Variants in DEAF1 observed in about 807,000 individuals in gnomAD.
DEAF1 encodes DEAF1 transcription factor.
Under a neutral mutation model 58.9 loss-of-function variants are expected in DEAF1, and 53 were observed. The observed-to-expected ratio is 0.90, with a 90% CI of 0.72 to 1.13. The LOEUF (loss-of-function observed/expected upper bound fraction) is 1.13. DEAF1 is among the 50% of genes most tolerant of loss of function. The pLI is 0.00. For synonymous variants in DEAF1, 385 were observed against 340.4 expected, an observed-to-expected ratio of 1.13 and a Z score of -1.44; for missense variants, 685 against 791.4, an observed-to-expected ratio of 0.87 and a Z score of 1.61.
At chr11:687,886 TG>T in intron 4 of DEAF1, 24 bp downstream of exon 4, 1 of 1,613,968 alleles carries the variant, frequency 6.2e-7, no homozygotes, top group Non-Finnish European at 8.5e-7. Context: ...AATACAACTT[TG>T]GAGTCTGAAG....
In DEAF1 at chr11:671,413, G is replaced by C. The variant is rs1589994585; in HGVS notation, c.1503+3123C>G. Among the ~76,000 whole-genome samples, 4 of 151,818 alleles carry C rather than the reference G, an allele frequency of 2.6e-5. No individual in the cohort carries two copies. The East Asian group carries it at 7.8e-4, about 30-fold the overall frequency. ...TTTTTATATTTTTTTGTAGAGACGG[G>C]GTTTCACCATGTTGTCCAAGCTGGT... is the stretch of plus-strand genomic sequence containing the variant. On this transcript the variant is annotated intron_variant, in intron 10 of 11. Transcript: ENST00000382409.
At chr11:648,386 G>A (rs867324867) in intron 11 of DEAF1, among the ~76,000 whole-genome samples, 3 of 151,962 alleles carry the variant, frequency 2.0e-5, no homozygotes, top group African/African-American at 4.8e-5. Flanking sequence ...TAGTAGAGAC[G>A]GGGTTTCACC....
intron 10 of DEAF1, among the ~76,000 whole-genome samples, chr11:671,776 G>C (rs1259092951): frequency 7.6e-6 from 1 of 131,900 alleles, no homozygotes; most frequent in African/African-American, 2.8e-5. Flanking sequence ...CCAGGAGTTT[G>C]AGCCTACAAT....
chr11:650,372 T>TAAAAA (rs1347231967), intron 11 of DEAF1, among the ~76,000 whole-genome samples: 1 of 21,364 alleles, frequency 4.7e-5, no homozygotes, highest in Non-Finnish European at 6.7e-5. Flanking sequence ...ACAGTCCGTC[T>TAAAAA]CAAAAAAAAA....
intron 10 of DEAF1, among the ~76,000 whole-genome samples, chr11:665,548 T>C (rs1859488324): frequency 1.3e-5 from 2 of 152,252 alleles, no homozygotes; most frequent in African/African-American, 2.4e-5. Context: ...GGCTTGGCTG[T>C]CTACCAAACG....
chr11:645,396 G>C (rs1402891372), intron 11 of DEAF1, among the ~76,000 whole-genome samples: 3 of 58,412 alleles, frequency 5.1e-5, no homozygotes, highest in East Asian at 1.9e-3. Flanking sequence ...GGCTCACCAC[G>C]ACCTCTGCCT....
chr11:690,449 T>C (rs1275864375), intron 2 of DEAF1, among the ~76,000 whole-genome samples: 1 of 150,448 alleles, frequency 6.6e-6, no homozygotes, highest in African/African-American at 2.4e-5. Context: ...ATTCTAACAA[T>C]AACTGTGCTT....
intron 10 of DEAF1, among the ~76,000 whole-genome samples, chr11:657,880 G>A (rs142253457): frequency 3.1e-4 from 47 of 152,268 alleles, no homozygotes; most frequent in Non-Finnish European, 5.4e-4. Context: ...TGGGCAAATG[G>A]TGCACGGGAG....
intron 1 of DEAF1, among the ~76,000 whole-genome samples, chr11:693,330 C>T (rs1011878521): frequency 1.3e-5 from 2 of 152,084 alleles, no homozygotes; most frequent in Non-Finnish European, 1.5e-5. Flanking sequence ...GTCACAAAGC[C>T]TTCCCTCACT....
intron 10 of DEAF1, among the ~76,000 whole-genome samples, chr11:655,217 C>T (rs1419417193): frequency 2.0e-5 from 3 of 152,228 alleles, no homozygotes; most frequent in African/African-American, 7.2e-5. Flanking sequence ...CTGGGCGCAC[C>T]GTGGCAGGCA....
chr11:656,842 T>C (rs1449211190), intron 10 of DEAF1, among the ~76,000 whole-genome samples: 3 of 152,162 alleles, frequency 2.0e-5, no homozygotes, highest in African/African-American at 7.2e-5. Flanking sequence ...ACTTGGGCCT[T>C]TCGCGGTATG....
At chr11:685,588 G>A (rs1860559696) in intron 5 of DEAF1, among the ~76,000 whole-genome samples, 1 of 152,132 alleles carries the variant, frequency 6.6e-6, no homozygotes, top group Non-Finnish European at 1.5e-5. Flanking sequence ...CCAGCTACCT[G>A]GGAGGCTCAG....
intron 10 of DEAF1, chr11:654,494 CCA>C (rs1354658637): frequency 2.2e-6 from 1 of 455,086 alleles, no homozygotes; most frequent in African/African-American, 2.0e-5. Context: ...CGCCTCTGCC[CCA>C]GTGCTGCTCA....
At chr11:684,521 A>G (rs962086515) in intron 6 of DEAF1, among the ~76,000 whole-genome samples, 2 of 152,258 alleles carry the variant, frequency 1.3e-5, no homozygotes, top group Admixed American at 6.5e-5. Flanking sequence ...CTACACATGA[A>G]TAAGTTTACA....
chr11:677,946 G>A (rs1445973394), intron 9 of DEAF1, among the ~76,000 whole-genome samples: 1 of 140,122 alleles, frequency 7.1e-6, no homozygotes, highest in African/African-American at 2.9e-5. Context: ...CTGGGCGACA[G>A]AGTGACACTC....
At chr11:646,712 C>T (rs1320328327) in intron 11 of DEAF1, 1 of 152,060 alleles carries the variant, frequency 6.6e-6, no homozygotes, top group African/African-American at 2.4e-5. Flanking sequence ...CCATCTTAAA[C>T]ATCAATGTGA....
rs1395171450 is a variant in DEAF1, at chr11:654,162, CCCCT to C, written c.1504-115_1504-112del. 3.3e-3 allele frequency: 1,641 copies of C among 499,116 alleles called. 29 individuals carry two copies. Among genetic ancestry groups the C allele is most frequent in the African/African-American group, 0.017 (199 of 11,622 alleles). The allele number at this position is 499,116 out of a possible 1,614,324, so 30.9% of individuals were successfully genotyped here. A position where few individuals can be genotyped will look rare whatever the true frequency, so the allele number is the denominator to read the frequency against. ...AGGCCCCAAGTTCCCCCCATTGGAC[CCCCT>C]TTTTTTTTTTTTTTTTTTTTGAGAT... On this transcript the variant is annotated intron_variant, in intron 10 of 11. Coordinates refer to ENST00000382409, the MANE Select transcript of DEAF1 (RefSeq NM_021008.4).
chr11:646,613 T>C (rs910375950), intron 11 of DEAF1: 2 of 152,246 alleles, frequency 1.3e-5, no homozygotes, highest in African/African-American at 4.8e-5. Flanking sequence ...CTACAGAAGC[T>C]TCCATCAGGT....
chr11:698,427 GTC>G (rs755772169), upstream of DEAF1, among the ~76,000 whole-genome samples: 7 of 152,342 alleles, frequency 4.6e-5, no homozygotes, highest in South Asian at 2.1e-4. Context: ...GAAAGCAAAT[GTC>G]TCATCAATCA....
Sources: allele counts gnomAD v4.1 joint callset (sites outside exome capture counted in the v4.1 genomes callset), GRCh38; gene constraint gnomAD v4.1.1; transcripts MANE v1.5; gene names NCBI Gene and HGNC (gene_info 2026-07-23, HGNC 2026-07-21).